The following MGRN1 variants were observed in gnomAD, a reference collection of about 807,000 sequenced individuals.
MGRN1 encodes the protein E3 ubiquitin-protein ligase MGRN1.
In MGRN1, 29 loss-of-function variants were observed where a neutral mutation model predicts 69.2. That is an observed-to-expected ratio of 0.42 (90% CI 0.31 to 0.57). The LOEUF is 0.57. MGRN1 is among the 20% of genes least tolerant of loss of function. The pLI is 0.15. For missense variants in MGRN1, 998 were observed against 796.2 expected (o/e 1.25, Z -3.05); for synonymous variants, 470 against 344.2 (o/e 1.37, Z -4.04).
intron 1 of MGRN1, among the ~76,000 whole-genome samples, chr16:4,627,744 T>G (rs59448205): frequency 0.056 from 8,313 of 149,548 alleles, 820 homozygotes; most frequent in African/African-American, 0.19. Flanking sequence ...GAGCCGAGAT[T>G]GCGCCACTGC....
chr16:4,680,351 G>T, intron 12 of MGRN1: 4 of 481,586 alleles, frequency 8.3e-6, no homozygotes, highest in South Asian at 7.8e-5. Context: ...CGTGGCCCCC[G>T]TGCCGTTTCC....
chr16:4,648,031 G>T (rs911684410), intron 1 of MGRN1, among the ~76,000 whole-genome samples: 8 of 152,180 alleles, frequency 5.3e-5, no homozygotes, highest in African/African-American at 1.9e-4. Context: ...AGCGCCTGAA[G>T]GTCTCAGAAT....
chr16:4,668,641 CAG>C (rs945847382), intron 8 of MGRN1, among the ~76,000 whole-genome samples: 4 of 151,686 alleles, frequency 2.6e-5, no homozygotes, highest in African/African-American at 7.3e-5. Context: ...TGCACACACT[CAG>C]ACACACTCAT....
intron 13 of MGRN1, 135 bp from the exon 14 acceptor site, chr16:4,682,688 T>C (rs1417148471): frequency 9.3e-7 from 1 of 1,073,904 alleles, no homozygotes; most frequent in African/African-American, 1.6e-5. Flanking sequence ...GGTGATGCCC[T>C]TCTCCAGGGA....
At chr16:4,665,667 C>CTT (rs35226786) in intron 7 of MGRN1, among the ~76,000 whole-genome samples, 95 of 127,552 alleles carry the variant, frequency 7.4e-4, no homozygotes, top group African/African-American at 1.2e-3. Flanking sequence ...CGTGCCCGGC[C>CTT]TTTTTTTTTT....
intron 13 of MGRN1, 126 bp from the exon 14 acceptor site, chr16:4,682,697 G>A (rs925806181): frequency 8.8e-7 from 1 of 1,130,544 alleles, no homozygotes. Context: ...CTTCTCCAGG[G>A]AGTGTCCTTG....
At chr16:4,676,264 C>T (rs1472551283) in intron 10 of MGRN1, among the ~76,000 whole-genome samples, 1 of 152,142 alleles carries the variant, frequency 6.6e-6, no homozygotes, top group Non-Finnish European at 1.5e-5. Context: ...GTCTGAAAGC[C>T]ACAGAGTTGC....
intron 1 of MGRN1, among the ~76,000 whole-genome samples, chr16:4,641,811 G>A (rs368244593): frequency 5.3e-5 from 8 of 152,020 alleles, no homozygotes; most frequent in African/African-American, 1.7e-4. Context: ...GAGCCACTGC[G>A]CCTGGCCACT....
chr16:4,652,759 C>G lies in MGRN1; in HGVS notation c.378C>G (p.Ala126=). The change falls in exon 4 of 17, where the codon GCC becomes GCG. Residue 126 remains alanine, a synonymous_variant. Transcript: ENST00000262370. ...ACAGCCTGGAGTTCACCTTCGACGC[C>G]GATGCCCGCGTGGCCATCACCATCT... The part of the protein sequence containing the change: ...VLYSLEFTFD[A]DARVAITIYC... The G allele has an allele frequency of 1.2e-6, 2 of 1,612,488 alleles. No individual in the cohort carries two copies. The highest frequency in any genetic ancestry group is 1.1e-5 in the South Asian group (1 of 90,752).
At chr16:4,643,181 C>T (rs1007617264) in intron 1 of MGRN1, among the ~76,000 whole-genome samples, 3 of 151,904 alleles carry the variant, frequency 2.0e-5, no homozygotes, top group Non-Finnish European at 4.4e-5. Context: ...GTCTCAATCT[C>T]GATCTCCTGA....
intron 2 of MGRN1, chr16:4,651,060 G>C (rs1209605965): frequency 6.6e-6 from 1 of 151,576 alleles, no homozygotes; most frequent in Non-Finnish European, 1.5e-5. Context: ...AGTGAGCCGA[G>C]ATTGCACCAC....
chr16:4,677,759 G>A (rs2079084796), intron 11 of MGRN1, among the ~76,000 whole-genome samples, 187 bp downstream of exon 11: 1 of 152,040 alleles, frequency 6.6e-6, no homozygotes, highest in Non-Finnish European at 1.5e-5. Context: ...TGCCGCTGCT[G>A]GGAACAGCGC....
At chr16:4,676,134 G>A (rs796230964) in intron 10 of MGRN1, among the ~76,000 whole-genome samples, 6 of 152,262 alleles carry the variant, frequency 3.9e-5, no homozygotes, top group African/African-American at 1.4e-4. Flanking sequence ...CACTGGATGT[G>A]TCCAGATCCC....
intron 4 of MGRN1, among the ~76,000 whole-genome samples, chr16:4,655,355 T>C (rs2078510502): frequency 6.6e-6 from 1 of 152,196 alleles, no homozygotes; most frequent in Admixed American, 6.5e-5. Flanking sequence ...CAGCCCTGGC[T>C]GGTGTCACCC....
At chr16:4,631,984 A>G (rs149018261) in intron 1 of MGRN1, among the ~76,000 whole-genome samples, 3 of 134,000 alleles carry the variant, frequency 2.2e-5, no homozygotes, top group African/African-American at 8.6e-5. Flanking sequence ...TGCCTTCCCA[A>G]TCTAGTAGTG....
intron 5 of MGRN1, among the ~76,000 whole-genome samples, chr16:4,661,992 T>A (rs917386802): frequency 6.6e-6 from 1 of 152,146 alleles, no homozygotes; most frequent in Non-Finnish European, 1.5e-5. Flanking sequence ...GGTGGGGACA[T>A]GCCTGGGAAC....
intron 5 of MGRN1, among the ~76,000 whole-genome samples, chr16:4,658,261 C>T (rs1051569940): frequency 2.0e-5 from 3 of 151,652 alleles, no homozygotes; most frequent in East Asian, 2.0e-4. Context: ...TGTGGCCGGG[C>T]GCGGTGGCTC....
chr16:4,665,928 C>T (rs2078793676), intron 7 of MGRN1, among the ~76,000 whole-genome samples: 1 of 151,462 alleles, frequency 6.6e-6, no homozygotes, highest in Non-Finnish European at 1.5e-5. Flanking sequence ...CTCCCGGGTT[C>T]ATGCCATTCT....
intron 5 of MGRN1, chr16:4,664,473 C>G: frequency 1.7e-6 from 1 of 580,352 alleles, no homozygotes; most frequent in East Asian, 2.9e-5. Context: ...GTACTTTACT[C>G]AACGCTGTTG....
Sources: gnomAD v4.1 joint callset for allele counts (sites outside exome capture counted in the v4.1 genomes callset) on GRCh38, gnomAD v4.1.1 for gene constraint, MANE v1.5 for transcripts, NCBI Gene and HGNC (gene_info 2026-07-23, HGNC 2026-07-21) for gene names.